Variants in MAST3 observed in about 807,000 individuals in gnomAD.
MAST3 encodes microtubule-associated serine/threonine-protein kinase 3.
MAST3 carries 43 observed loss-of-function variants against 127.0 expected under a neutral mutation model. The observed-to-expected ratio is 0.34, with a 90% CI of 0.27 to 0.44. MAST3 has a LOEUF of 0.44. Among genes scored for constraint, MAST3 ranks in the 20% least tolerant of loss-of-function variants. MAST3 has a pLI of 1.00. For missense variants in MAST3, 1,390 were observed against 1,919.1 expected, an observed-to-expected ratio of 0.72 and a Z score of 5.15; for synonymous variants, 785 against 809.2, an observed-to-expected ratio of 0.97 and a Z score of 0.51.
rs1305441070 is a variant in MAST3 at position 18,121,674 on chromosome 19, T to G, written c.162-11T>G. The G allele has an allele frequency of 6.2e-7, 1 of 1,612,310 alleles. No homozygotes were observed. The highest frequency in any genetic ancestry group is 2.2e-5 in the East Asian group (1 of 44,866). ...GGCAGCCACCTACCCTGTCCCCTTT[T>G]CCCCCCACAGCTGCCGCAGCGGGAA... On this transcript the variant is annotated splice_polypyrimidine_tract_variant and intron_variant, in intron 3 of 27. Transcript: ENST00000687212.
intron 3 of MAST3, among the ~76,000 whole-genome samples, chr19:18,115,635 C>T (rs1347634297): frequency 6.6e-6 from 1 of 152,096 alleles, no homozygotes; most frequent in Non-Finnish European, 1.5e-5. Flanking sequence ...GGTCTCAAAA[C>T]AAGTCCCAAA....
chr19:18,128,896 A>C lies in MAST3; in HGVS notation c.1168A>C (p.Lys390Gln). The change falls in exon 13 of 28, where the codon AAG (lysine) becomes CAG (glutamine). Residue 390 changes from lysine to glutamine, a missense_variant. By Grantham distance (53) the Lys-to-Gln change is moderately conservative. Transcript: ENST00000687212. The stretch of plus-strand genomic sequence containing the variant: ...CGCCCTGGTCGGCCAGTCACGGAGG[A>C]AGCCATGCGAAAGCGACTTTGAGAC... ...SRALVGQSRR[K>Q]PCESDFETIK... 1 of 1,613,832 alleles carries C rather than the reference A, an allele frequency of 6.2e-7. No individual in the cohort carries two copies. The highest frequency in any genetic ancestry group is 1.7e-5 in the Admixed American group (1 of 60,014).
chr19:18,123,785 G>A (rs1047752485), intron 8 of MAST3, 130 bp downstream of exon 8: 20 of 1,069,040 alleles, frequency 1.9e-5, no homozygotes, highest in Middle Eastern at 6.0e-4. Context: ...TTCCCCTTCC[G>A]TTGAAAGATG....
chr19:18,142,101 C>T, intron 21 of MAST3, 86 bp downstream of exon 21: 1 of 1,295,612 alleles, frequency 7.7e-7, no homozygotes, highest in Non-Finnish European at 9.9e-7. Context: ...AAGGGAGCTT[C>T]CTAGTGGCCA....
chr19:18,100,165 C>G (rs914611042), intron 1 of MAST3, among the ~76,000 whole-genome samples: 3 of 129,394 alleles, frequency 2.3e-5, no homozygotes, highest in African/African-American at 7.9e-5. Context: ...TGCTCTGTTA[C>G]CCAGGCTGGA....
At chr19:18,121,646 C>G in intron 3 of MAST3, 39 bp from the exon 4 acceptor site, 1 of 1,578,610 alleles carries the variant, frequency 6.3e-7, no homozygotes, top group South Asian at 1.1e-5. Flanking sequence ...GCGCGGGGCC[C>G]TGGGCAGCCA....
chr19:18,126,932 C>G (rs2040710057), intron 11 of MAST3, among the ~76,000 whole-genome samples: 2 of 151,900 alleles, frequency 1.3e-5, no homozygotes, highest in Non-Finnish European at 2.9e-5. Flanking sequence ...AGGCGCCCGC[C>G]ACCACGCCCG....
intron 25 of MAST3, among the ~76,000 whole-genome samples, chr19:18,146,297 T>G (rs2043004636): frequency 6.6e-6 from 1 of 151,992 alleles, no homozygotes; most frequent in Non-Finnish European, 1.5e-5. Context: ...AAAATAAAAT[T>G]AGCTAGGCAT....
Position 18,121,598 on chromosome 19 carries a change from C to A in MAST3, c.162-87C>A. 9 of 1,125,022 alleles carry A rather than the reference C, an allele frequency of 8.0e-6. No homozygotes were observed. In the South Asian group the frequency reaches 1.1e-4, roughly 13 times the overall value. 69.7% of individuals were successfully genotyped at this position (1,125,022 alleles called of 1,614,324 possible). A position where few individuals can be genotyped will look rare whatever the true frequency, so the allele number is the denominator to read the frequency against. On this transcript the variant is annotated intron_variant, in intron 3 of 27. Coordinates refer to ENST00000687212, the MANE Select transcript of MAST3 (RefSeq NM_001393504.1). ...TCCAACATCCCATCCTTCTCCAGAA[C>A]GGGCTGCGAGTGTGATTTAGGCTGG...
In MAST3 at chr19:18,132,013, T is replaced by A; in HGVS notation, c.1537T>A (p.Tyr513Asn). The A allele has an allele frequency of 2.5e-6, 4 of 1,614,138 alleles. No homozygotes were observed. The highest frequency in any genetic ancestry group is 3.4e-6 in the Non-Finnish European group (4 of 1,180,020). ...TVLALEYLHN[Y>N]GIVHRDLKPD... Reference sequence around the variant, plus strand: ...GTTGGCGCTGGAGTACCTGCATAACTATGGCATCGTGCACCGTGACCTCAA... The same window carrying A: ...GTTGGCGCTGGAGTACCTGCATAACAATGGCATCGTGCACCGTGACCTCAA... The change falls in exon 15 of 28, where the codon TAT becomes AAT. Residue 513 changes from tyrosine to asparagine, a missense_variant. Transcript: ENST00000687212.
intron 3 of MAST3, chr19:18,118,027 CCTT>C (rs2039493751): frequency 1.2e-6 from 1 of 818,076 alleles, no homozygotes; most frequent in Non-Finnish European, 1.5e-6. Flanking sequence ...GCGCGCGCTT[CCTT>C]CTCGCCGCCC....
At chr19:18,135,897 G>A in intron 18 of MAST3, 56 bp downstream of exon 18, 3 of 1,349,992 alleles carry the variant, frequency 2.2e-6, no homozygotes, top group Non-Finnish European at 3.1e-6. Flanking sequence ...CTGGGACCCA[G>A]GGAATGGAGG....
intron 19 of MAST3, among the ~76,000 whole-genome samples, chr19:18,138,441 G>C (rs1017028544): frequency 6.6e-6 from 1 of 150,758 alleles, no homozygotes; most frequent in Non-Finnish European, 1.5e-5. Flanking sequence ...TCAGCCTCCC[G>C]AGTAGTCGGG....
At chr19:18,147,334 C>G (rs2043134802) in intron 26 of MAST3, 109 bp from the exon 27 acceptor site, 1 of 999,730 alleles carries the variant, frequency 1.0e-6, no homozygotes, top group Non-Finnish European at 1.5e-6. Context: ...AACTCCTGAC[C>G]TTAAATGATC....
At chr19:18,134,409 GTGTGCACC>G (rs1167339487) in intron 15 of MAST3, among the ~76,000 whole-genome samples, 162 bp from the exon 16 acceptor site, 2 of 152,190 alleles carry the variant, frequency 1.3e-5, no homozygotes, top group African/African-American at 4.8e-5. Context: ...GGGTGTGGTG[GTGTGCACC>G]TGTAGTTCCA....
chr19:18,144,836 G>A lies in MAST3; in HGVS notation c.2812+143G>A. On this transcript the variant is annotated intron_variant, in intron 23 of 27. Coordinates refer to ENST00000687212, the MANE Select transcript of MAST3 (RefSeq NM_001393504.1). This position sits in a 1 kb window ranked among gnomAD's most constrained non-coding sequence, Gnocchi z 4.0. ...AGGACACATGGAGAGCTGGGGAGAT[G>A]GTGTTCCCAGTAGAGGGCACTGCAC... 1 of 1,008,452 alleles carries A rather than the reference G, an allele frequency of 9.9e-7. No individual in the cohort carries two copies. The allele number at this position is 1,008,452 out of a possible 1,614,324, so 62.5% of individuals were successfully genotyped here. A position where few individuals can be genotyped will look rare whatever the true frequency, so the allele number is the denominator to read the frequency against.
chr19:18,099,509 G>A (rs568320515), intron 1 of MAST3, among the ~76,000 whole-genome samples: 15 of 151,938 alleles, frequency 9.9e-5, no homozygotes, highest in Non-Finnish European at 1.9e-4. Context: ...ATGGTGGGGG[G>A]GTCAAACATT....
intron 10 of MAST3, 31 bp downstream of exon 10, chr19:18,124,397 G>C (rs1364326757): frequency 1.3e-6 from 2 of 1,559,700 alleles, no homozygotes; most frequent in African/African-American, 1.4e-5. Flanking sequence ...CCAGCTTGGG[G>C]TCCAGGCAGA....
chr19:18,113,065 T>C (rs1443218040), intron 3 of MAST3, among the ~76,000 whole-genome samples: 1 of 152,122 alleles, frequency 6.6e-6, no homozygotes, highest in Non-Finnish European at 1.5e-5. Context: ...GACCCGTGTG[T>C]TGGAGGCCGC....
Sources: allele counts gnomAD v4.1 joint callset (sites outside exome capture counted in the v4.1 genomes callset), GRCh38; gene constraint gnomAD v4.1.1; non-coding constraint Gnocchi (gnomAD v3.1); transcripts MANE v1.5; gene names NCBI Gene and HGNC (gene_info 2026-07-23, HGNC 2026-07-21).